KLHL1: variants seen among roughly 807,000 people sequenced by gnomAD.
KLHL1 encodes kelch like family member 1.
KLHL1 carries 47 observed loss-of-function variants against 77.7 expected under a neutral mutation model. The observed-to-expected ratio is 0.60, with a 90% CI of 0.48 to 0.77. The LOEUF is 0.77. Among genes scored for constraint, KLHL1 ranks in the 30% least tolerant of loss-of-function variants. The pLI is 0.00. For synonymous variants in KLHL1, 360 were observed against 325.2 expected, an observed-to-expected ratio of 1.11 and a Z score of -1.15; for missense variants, 925 against 910.8, an observed-to-expected ratio of 1.02 and a Z score of -0.20.
Position 70,102,790 on chromosome 13 carries a change from C to G in KLHL1, c.497+4413G>C, listed in dbSNP as rs188614183. Among the ~76,000 whole-genome samples, 3 of 152,288 alleles carry G rather than the reference C, an allele frequency of 2.0e-5. No individual in the cohort carries two copies. In the South Asian group the frequency reaches 6.2e-4, roughly 32 times the overall value. ...AAGATGTTATTAATTTTAACTTACG[C>G]ATATAAATATTCAACATGCTAACTG... On this transcript the variant is annotated intron_variant, in intron 1 of 10. Coordinates refer to ENST00000377844, the MANE Select transcript of KLHL1 (RefSeq NM_020866.3).
chr13:69,917,862 C>A (rs938501535), intron 4 of KLHL1, among the ~76,000 whole-genome samples: 2 of 151,862 alleles, frequency 1.3e-5, no homozygotes, highest in African/African-American at 4.8e-5. Flanking sequence ...CATTCACATG[C>A]GAAGTTTGCT....
intron 1 of KLHL1, among the ~76,000 whole-genome samples, chr13:70,090,629 G>T (rs939395055): frequency 1.3e-5 from 2 of 152,002 alleles, no homozygotes; most frequent in Non-Finnish European, 2.9e-5. Flanking sequence ...AGTCAGAAAG[G>T]TCTTTATGCA....
At chr13:69,833,884 C>A (rs530695130) in intron 6 of KLHL1, among the ~76,000 whole-genome samples, 3 of 150,212 alleles carry the variant, frequency 2.0e-5, no homozygotes, top group African/African-American at 7.4e-5. Context: ...CACACATATG[C>A]CATGGAATAC....
intron 9 of KLHL1, among the ~76,000 whole-genome samples, chr13:69,709,790 G>A (rs1045886304): frequency 1.3e-5 from 2 of 151,898 alleles, no homozygotes; most frequent in Non-Finnish European, 1.5e-5. Context: ...GAAACAATAA[G>A]AACAAATTTG....
chr13:69,791,522 G>C (rs1198111551), intron 7 of KLHL1, among the ~76,000 whole-genome samples: 1 of 152,092 alleles, frequency 6.6e-6, no homozygotes, highest in African/African-American at 2.4e-5. Context: ...CACACTACAT[G>C]ATTTTAAAAA....
In KLHL1 at chr13:69,877,077, A is replaced by T. The variant is rs143040790; in HGVS notation, c.1227+5206T>A. On this transcript the variant is annotated intron_variant, in intron 5 of 10. Transcript: ENST00000377844. ...TAAACACTACCAATTCTGAGCTAGGAAGCAAAGTTTATATCTCCAACCTTC... is the reference window on the plus strand; with the variant it reads ...TAAACACTACCAATTCTGAGCTAGGTAGCAAAGTTTATATCTCCAACCTTC... Among the ~76,000 whole-genome samples, 160 of 152,192 alleles carry T rather than the reference A, an allele frequency of 1.1e-3. 2 individuals carry two copies. Among genetic ancestry groups the T allele is most frequent in the African/African-American group, 3.7e-3 (155 of 41,518 alleles).
Position 70,107,853 on chromosome 13 carries a change from T to C in KLHL1, c.-154A>G. 1 of 606,316 alleles carries C rather than the reference T, an allele frequency of 1.6e-6. No individual in the cohort carries two copies. The highest frequency in any genetic ancestry group is 2.7e-6 in the Non-Finnish European group (1 of 367,328). The allele number at this position is 606,316 out of a possible 1,614,324, so 37.6% of individuals were successfully genotyped here. On this transcript the variant is annotated 5_prime_UTR_variant, in exon 1 of 11. Transcript: ENST00000377844. ...AAGACGCTAGGTGGGCTGCGCGCTC[T>C]GCCAGGCGAAGGCTGGAGCGCAGAC...
chr13:69,781,249 T>C (rs1207755712), intron 7 of KLHL1, among the ~76,000 whole-genome samples: 2 of 151,070 alleles, frequency 1.3e-5, no homozygotes, highest in Non-Finnish European at 3.0e-5. Context: ...ATCCTAACAC[T>C]AGAATATGCT....
chr13:70,075,780 T>C lies in KLHL1; in HGVS notation c.497+31423A>G, dbSNP rs1887256158. 2.0e-5 allele frequency among the ~76,000 whole-genome samples: 3 copies of C among 146,868 alleles called. No homozygotes were observed. The South Asian group carries it at 6.3e-4, about 31-fold the overall frequency. On this transcript the variant is annotated intron_variant, in intron 1 of 10. Coordinates refer to ENST00000377844, the MANE Select transcript of KLHL1 (RefSeq NM_020866.3). ...ACACACATATATATATATACATATA[T>C]ATGTATATATATATGTTGCAGGATA...
chr13:69,817,830 T>G (rs112334479), intron 6 of KLHL1, among the ~76,000 whole-genome samples: 5 of 152,334 alleles, frequency 3.3e-5, no homozygotes, highest in African/African-American at 1.2e-4. Context: ...ATGGTAGGCC[T>G]TTTATCATAG....
intron 7 of KLHL1, among the ~76,000 whole-genome samples, chr13:69,792,763 A>T (rs1876925276): frequency 6.6e-6 from 1 of 152,208 alleles, no homozygotes; most frequent in African/African-American, 2.4e-5. Flanking sequence ...ATTGTGCTAC[A>T]TGAAAGAAGC....
intron 7 of KLHL1, among the ~76,000 whole-genome samples, chr13:69,752,088 G>T (rs1247218298): frequency 6.6e-6 from 1 of 152,020 alleles, no homozygotes; most frequent in Non-Finnish European, 1.5e-5. Flanking sequence ...TTGTTACAAG[G>T]ATTTAATGAA....
intron 1 of KLHL1, among the ~76,000 whole-genome samples, chr13:70,075,691 G>GTGTGTGTATATATATATACACACACA (rs1887252611): frequency 2.9e-5 from 4 of 137,366 alleles, no homozygotes; most frequent in African/African-American, 5.5e-5. Flanking sequence ...ATACACACAC[G>GTGTGTGTATATATATATACACACACA]TGTGTATATA....
chr13:69,704,912 T>A lies in KLHL1; in HGVS notation c.2187+2713A>T, dbSNP rs1593758366. Among the ~76,000 whole-genome samples, 9 of 151,778 alleles carry A rather than the reference T, an allele frequency of 5.9e-5. No homozygotes were observed. In the South Asian group the frequency reaches 1.9e-3, roughly 31 times the overall value. Reference sequence around the variant, plus strand: ...TTCTCAATATATCATTATCAATATATCTTATATATCTATTGTCTACAAATA... The same window carrying A: ...TTCTCAATATATCATTATCAATATAACTTATATATCTATTGTCTACAAATA... On this transcript the variant is annotated intron_variant, in intron 10 of 10. Transcript: ENST00000377844.
intron 4 of KLHL1, among the ~76,000 whole-genome samples, chr13:69,900,965 C>T (rs1344717303): frequency 1.3e-5 from 2 of 152,208 alleles, no homozygotes; most frequent in Non-Finnish European, 2.9e-5. Context: ...CCAAAAAAAC[C>T]TTGGTCCATT....
At chr13:70,048,786 A>G (rs901401970) in intron 1 of KLHL1, among the ~76,000 whole-genome samples, 1 of 152,198 alleles carries the variant, frequency 6.6e-6, no homozygotes, top group Admixed American at 6.5e-5. Context: ...TTACTAGCCC[A>G]CTACTCACCT....
intron 1 of KLHL1, among the ~76,000 whole-genome samples, chr13:70,014,811 G>C (rs1458721742): frequency 6.6e-6 from 1 of 152,064 alleles, no homozygotes; most frequent in Non-Finnish European, 1.5e-5. Flanking sequence ...ACAGACGCTT[G>C]CTTTTGTGGG....
chr13:69,884,472 G>A (rs1321574781), intron 4 of KLHL1, among the ~76,000 whole-genome samples: 1 of 150,396 alleles, frequency 6.6e-6, no homozygotes, highest in Non-Finnish European at 1.5e-5. Context: ...GATGTTCTGA[G>A]GAATCTTTGA....
At chr13:70,093,937 T>A (rs1324938520) in intron 1 of KLHL1, among the ~76,000 whole-genome samples, 1 of 152,152 alleles carries the variant, frequency 6.6e-6, no homozygotes, top group South Asian at 2.1e-4. Flanking sequence ...AAGTAAGAAT[T>A]TCATGATGAT....
Sources: gnomAD v4.1 joint callset for allele counts (sites outside exome capture counted in the v4.1 genomes callset) on GRCh38, gnomAD v4.1.1 for gene constraint, MANE v1.5 for transcripts, NCBI Gene and HGNC (gene_info 2026-07-23, HGNC 2026-07-21) for gene names.